The following SCARB1 variants were observed in gnomAD, a reference collection of about 807,000 sequenced individuals.
The protein encoded by SCARB1 is scavenger receptor class B member 1.
A neutral mutation model predicts 57.2 loss-of-function variants in SCARB1; 30 were observed. The ratio of observed to expected loss-of-function variants is 0.52; its 90% CI spans 0.39 to 0.71. SCARB1 has a LOEUF of 0.71. SCARB1 is among the 30% of genes least tolerant of loss of function. The probability of loss-of-function intolerance (pLI) is 0.00; values close to 1 mark genes in which losing one functional copy is unlikely to be tolerated. For synonymous variants in SCARB1, 249 were observed against 268.3 expected (o/e 0.93, Z 0.70); for missense variants, 543 against 671.2 (o/e 0.81, Z 2.11).
chr12:124,832,280 G>T (rs915285538), intron 1 of SCARB1, among the ~76,000 whole-genome samples: 2 of 152,210 alleles, frequency 1.3e-5, no homozygotes, highest in African/African-American at 2.4e-5. Context: ...AGCACTTTGG[G>T]AGGCCAAGGC....
chr12:124,812,061 C>T lies in SCARB1; in HGVS notation c.631-96G>A. 9 of 917,834 alleles carry T rather than the reference C, an allele frequency of 9.8e-6. No homozygotes were observed. Among genetic ancestry groups the T allele is most frequent in the Middle Eastern group, 2.1e-4 (1 of 4,708 alleles). The allele number at this position is 917,834 out of a possible 1,614,324, so 56.9% of individuals were successfully genotyped here. ...TGGGCTGAGCCCTCCTCCCCCTCCA[C>T]CAGAAGGACAGGGCCCCCAGCATCT... On this transcript the variant is annotated intron_variant, in intron 4 of 12. Coordinates refer to ENST00000261693, the MANE Select transcript of SCARB1 (RefSeq NM_005505.5). The surrounding 1 kb of genome is among the most constrained non-coding windows in gnomAD (Gnocchi z 4.3).
chr12:124,833,584 G>A (rs1362227098), intron 1 of SCARB1, among the ~76,000 whole-genome samples: 1 of 152,040 alleles, frequency 6.6e-6, no homozygotes, highest in Non-Finnish European at 1.5e-5. Context: ...CACCTTTTGG[G>A]GACATTGTTC....
intron 1 of SCARB1, among the ~76,000 whole-genome samples, chr12:124,837,510 A>AAAG (rs542838343): frequency 0.055 from 6,568 of 119,762 alleles, 639 homozygotes; most frequent in Admixed American, 0.18. Context: ...GAAGGGAGAA[A>AAAG]AAAGAAAAGA....
chr12:124,836,288 A>T (rs1341015482), intron 1 of SCARB1, among the ~76,000 whole-genome samples: 1 of 152,182 alleles, frequency 6.6e-6, no homozygotes, highest in Non-Finnish European at 1.5e-5. Context: ...CAGAATGTCC[A>T]TCAGTACAGC....
rs1951694146 is a variant in SCARB1, at chr12:124,837,439, A to G, written c.127-19732T>C. Reference sequence around the variant, plus strand: ...AGGGAAAGAGGGGAAGAAAGGGAAGAAAGAAAAGAAAGAAAGAAGGAAAGA... The same window carrying G: ...AGGGAAAGAGGGGAAGAAAGGGAAGGAAGAAAAGAAAGAAAGAAGGAAAGA... On this transcript the variant is annotated intron_variant, in intron 1 of 12. Coordinates refer to ENST00000261693, the MANE Select transcript of SCARB1 (RefSeq NM_005505.5). Among the ~76,000 whole-genome samples, 3 of 143,766 alleles carry G rather than the reference A, an allele frequency of 2.1e-5. No homozygotes were observed. The South Asian group carries it at 6.9e-4, about 33-fold the overall frequency. The allele number at this position is 143,766 out of a possible 152,430, so 94.3% of individuals were successfully genotyped here.
intron 1 of SCARB1, among the ~76,000 whole-genome samples, chr12:124,831,270 C>T (rs1019800352): frequency 3.9e-5 from 6 of 152,146 alleles, no homozygotes; most frequent in Admixed American, 3.9e-4. Context: ...TGAGCCACCG[C>T]GCCTGGACTG....
Position 124,790,813 on chromosome 12 carries a change from G to A in SCARB1, c.1203-3356C>T, listed in dbSNP as rs568930260. On this transcript the variant is annotated intron_variant, in intron 9 of 12. Transcript: ENST00000261693. Reference sequence around the variant, plus strand: ...GAATCCCACCTGGGCCGCTGTGCAGGCACGTGCTCACGTGGCAGGCCCGAG... The same window carrying A: ...GAATCCCACCTGGGCCGCTGTGCAGACACGTGCTCACGTGGCAGGCCCGAG... 9.8e-5 allele frequency among the ~76,000 whole-genome samples: 15 copies of A among 152,346 alleles called. No individual in the cohort carries two copies. In the South Asian group the frequency reaches 3.1e-3, roughly 32 times the overall value.
chr12:124,799,056 A>G (rs1950046588), intron 8 of SCARB1, among the ~76,000 whole-genome samples: 1 of 152,200 alleles, frequency 6.6e-6, no homozygotes, highest in Admixed American at 6.5e-5. Flanking sequence ...AATGTATTGT[A>G]AGCTTGAAAG....
At chr12:124,857,091 G>A (rs1034643968) in intron 1 of SCARB1, among the ~76,000 whole-genome samples, 3 of 151,908 alleles carry the variant, frequency 2.0e-5, no homozygotes, top group Non-Finnish European at 4.4e-5. Flanking sequence ...GCATGCAGTC[G>A]ACCTGCTCAG....
chr12:124,848,351 G>A (rs1952246195), intron 1 of SCARB1, among the ~76,000 whole-genome samples: 1 of 152,190 alleles, frequency 6.6e-6, no homozygotes. Flanking sequence ...CACAGTGCTG[G>A]GATTACAAGC....
At chr12:124,852,912 C>T (rs944173102) in intron 1 of SCARB1, among the ~76,000 whole-genome samples, 2 of 152,056 alleles carry the variant, frequency 1.3e-5, no homozygotes, top group African/African-American at 2.4e-5. Context: ...TAGTGGTGCA[C>T]GCCTGTAATC....
At chr12:124,856,745 C>G (rs531181843) in intron 1 of SCARB1, among the ~76,000 whole-genome samples, 3 of 152,198 alleles carry the variant, frequency 2.0e-5, no homozygotes, top group Non-Finnish European at 2.9e-5. Context: ...GGCCTCCCCC[C>G]CAGGTTCCGC....
intron 9 of SCARB1, among the ~76,000 whole-genome samples, chr12:124,788,966 T>C (rs188341281): frequency 3.3e-5 from 5 of 152,222 alleles, no homozygotes; most frequent in Admixed American, 3.3e-4. Flanking sequence ...GCACAGCAAA[T>C]TGATGATGGT....
intron 1 of SCARB1, among the ~76,000 whole-genome samples, chr12:124,819,951 G>C (rs575159057): frequency 6.6e-6 from 1 of 152,236 alleles, no homozygotes; most frequent in African/African-American, 2.4e-5. Context: ...CCTACGTGGC[G>C]TGTCAATGAA....
chr12:124,787,006 AAAT>A (rs1458775074), intron 10 of SCARB1, among the ~76,000 whole-genome samples: 2 of 152,212 alleles, frequency 1.3e-5, no homozygotes, highest in Non-Finnish European at 2.9e-5. Context: ...AAATAAAATA[AAAT>A]AATAAAATAA....
At chr12:124,809,691 C>A (rs1950453435) in intron 6 of SCARB1, among the ~76,000 whole-genome samples, 1 of 152,110 alleles carries the variant, frequency 6.6e-6, no homozygotes, top group South Asian at 2.1e-4. Context: ...TCCAGAGTGA[C>A]CAGAATGGAA....
chr12:124,787,329 T>C (rs2135544688), intron 10 of SCARB1, 77 bp downstream of exon 10: 3 of 1,358,238 alleles, frequency 2.2e-6, no homozygotes, highest in Non-Finnish European at 3.1e-6. Context: ...TACAAGCTGC[T>C]CCCCCCGCCT....
At chr12:124,799,781 T>G (rs1439722102) in intron 8 of SCARB1, among the ~76,000 whole-genome samples, 1 of 152,152 alleles carries the variant, frequency 6.6e-6, no homozygotes, top group African/African-American at 2.4e-5. Flanking sequence ...ATCTGCAAAA[T>G]ACCCCAGGCT....
intron 9 of SCARB1, among the ~76,000 whole-genome samples, chr12:124,793,993 C>T (rs1041149066): frequency 3.3e-5 from 5 of 152,152 alleles, no homozygotes; most frequent in Non-Finnish European, 7.4e-5. Flanking sequence ...ATCCATGCTA[C>T]GACATGGATG....
Sources: allele counts gnomAD v4.1 joint callset (sites outside exome capture counted in the v4.1 genomes callset), GRCh38; gene constraint gnomAD v4.1.1; non-coding constraint Gnocchi (gnomAD v3.1); transcripts MANE v1.5; gene names NCBI Gene and HGNC (gene_info 2026-07-23, HGNC 2026-07-21).